Variants in CTNNA2 observed in about 807,000 individuals in gnomAD.
CTNNA2 encodes catenin alpha-2.
In CTNNA2, 42 loss-of-function variants were observed where a neutral mutation model predicts 101.0. The ratio of observed to expected loss-of-function variants is 0.42; its 90% confidence interval spans 0.32 to 0.54. CTNNA2 has a LOEUF of 0.54. Ranked by LOEUF, CTNNA2 falls within the 20% of genes least tolerant of loss-of-function variation. CTNNA2 has a pLI of 0.14. For missense variants in CTNNA2, 871 were observed against 1,223.1 expected, an observed-to-expected ratio of 0.71 and a Z score of 4.29; for synonymous variants, 450 against 456.4, an observed-to-expected ratio of 0.99 and a Z score of 0.18.
chr2:79,371,107 A>T (rs1402065039), intron 3 of CTNNA2, among the ~76,000 whole-genome samples: 1 of 150,066 alleles, frequency 6.7e-6, no homozygotes, highest in Non-Finnish European at 1.5e-5. Flanking sequence ...CTGGAAGCCG[A>T]ATAACTTCTA....
At chr2:80,558,016 A>G (rs759263412) in intron 12 of CTNNA2, among the ~76,000 whole-genome samples, 24 of 152,278 alleles carry the variant, frequency 1.6e-4, no homozygotes, top group Non-Finnish European at 2.4e-4. Flanking sequence ...CCCATATCCA[A>G]TTCCTAATTG....
intron 3 of CTNNA2, among the ~76,000 whole-genome samples, chr2:79,810,581 G>C (rs1159280149): frequency 6.6e-6 from 1 of 150,912 alleles, no homozygotes; most frequent in Admixed American, 6.6e-5. Context: ...CAATGTACAG[G>C]TTAGTTACAT....
chr2:79,352,390 C>T (rs1169032075), intron 3 of CTNNA2, among the ~76,000 whole-genome samples: 1 of 152,038 alleles, frequency 6.6e-6, no homozygotes, highest in Non-Finnish European at 1.5e-5. Context: ...TCAAAATAGT[C>T]TCTGAAGATC....
chr2:80,629,525 C>T (rs1295653074), intron 18 of CTNNA2, among the ~76,000 whole-genome samples: 1 of 152,038 alleles, frequency 6.6e-6, no homozygotes, highest in Non-Finnish European at 1.5e-5. Flanking sequence ...ATGGATCACA[C>T]TTTTAAAAAA....
intron 7 of CTNNA2, among the ~76,000 whole-genome samples, chr2:80,358,333 T>G: frequency 6.7e-6 from 1 of 148,790 alleles, no homozygotes; most frequent in African/African-American, 2.6e-5. Flanking sequence ...TCTACGTCAG[T>G]AGTATTCTAC....
intron 7 of CTNNA2, among the ~76,000 whole-genome samples, chr2:80,162,189 A>G (rs1160613533): frequency 6.6e-6 from 1 of 152,178 alleles, no homozygotes; most frequent in Non-Finnish European, 1.5e-5. Flanking sequence ...CCCCTCCTAA[A>G]GTGTCTAAAA....
chr2:80,255,744 A>T (rs1395775487), intron 7 of CTNNA2, among the ~76,000 whole-genome samples: 1 of 152,186 alleles, frequency 6.6e-6, no homozygotes, highest in African/African-American at 2.4e-5. Context: ...CCAGGAAAGG[A>T]TGAAAGGACA....
chr2:80,579,696 G>A (rs181000678), intron 13 of CTNNA2, among the ~76,000 whole-genome samples: 82 of 152,308 alleles, frequency 5.4e-4, no homozygotes, highest in African/African-American at 1.9e-3. Flanking sequence ...GATGGTGAGA[G>A]AGAAGGAAAA....
chr2:80,314,874 T>C (rs1421115970), intron 7 of CTNNA2, among the ~76,000 whole-genome samples: 1 of 152,232 alleles, frequency 6.6e-6, no homozygotes, highest in Non-Finnish European at 1.5e-5. Flanking sequence ...ATTTGCATTT[T>C]AGCAGAAGAA....
intron 2 of CTNNA2, among the ~76,000 whole-genome samples, chr2:79,292,736 A>C (rs1675857975): frequency 6.6e-6 from 1 of 152,212 alleles, no homozygotes; most frequent in Admixed American, 6.5e-5. Flanking sequence ...CAGAGCTAAC[A>C]AACTGAGCTG....
chr2:79,441,600 G>A (rs1678778882), intron 4 of CTNNA2, among the ~76,000 whole-genome samples: 3 of 152,078 alleles, frequency 2.0e-5, no homozygotes, highest in African/African-American at 2.4e-5. Flanking sequence ...TGGCCACCAC[G>A]ATCTCTTTTC....
intron 7 of CTNNA2, among the ~76,000 whole-genome samples, chr2:80,281,139 G>T (rs181448616): frequency 6.6e-6 from 1 of 152,228 alleles, no homozygotes; most frequent in East Asian, 1.9e-4. Context: ...GAGATCCCCA[G>T]GGTGACCAGA....
chr2:80,316,014 T>C (rs1247464599), intron 7 of CTNNA2, among the ~76,000 whole-genome samples: 1 of 152,102 alleles, frequency 6.6e-6, no homozygotes, highest in East Asian at 1.9e-4. Flanking sequence ...CCCGCTAAGG[T>C]TTTAGAAGCA....
chr2:79,417,242 A>G (rs1369823535), intron 4 of CTNNA2, among the ~76,000 whole-genome samples: 2 of 152,142 alleles, frequency 1.3e-5, no homozygotes, highest in African/African-American at 4.8e-5. Context: ...AAATTTCCAA[A>G]TAAGCTTAGG....
chr2:80,202,730 TAA>T (rs78658764), intron 7 of CTNNA2, among the ~76,000 whole-genome samples: 1 of 144,694 alleles, frequency 6.9e-6, no homozygotes. Flanking sequence ...CCAAGAGATT[TAA>T]AAAAAAAAAA....
intron 11 of CTNNA2, among the ~76,000 whole-genome samples, chr2:80,554,869 C>G (rs1371859342): frequency 6.6e-6 from 1 of 152,168 alleles, no homozygotes; most frequent in Non-Finnish European, 1.5e-5. Context: ...AATTACAGAT[C>G]TCACACTGGA....
intron 7 of CTNNA2, among the ~76,000 whole-genome samples, chr2:80,143,806 G>A (rs760102511): frequency 6.6e-6 from 1 of 152,136 alleles, no homozygotes; most frequent in African/African-American, 2.4e-5. Flanking sequence ...CCAAATACTT[G>A]AGTGGAAAAA....
Position 80,126,634 on chromosome 2 carries a change from C to CCCTTCCTTCCTT in CTNNA2, c.1056+216861_1056+216872dup, listed in dbSNP as rs1178536900. On this transcript the variant is annotated intron_variant, in intron 7 of 18. Coordinates refer to ENST00000402739, the MANE Select transcript of CTNNA2 (RefSeq NM_001282597.3). ...TCCCTCCCTCCCTCCCTCCCTCCCT[C>CCCTTCCTTCCTT]CCTTCCTTCCTTCCTTCCTTCCTTC... Among the ~76,000 whole-genome samples, 91 of 26,196 alleles carry CCCTTCCTTCCTT rather than the reference C, an allele frequency of 3.5e-3. 2 individuals are homozygous for CCCTTCCTTCCTT. Among genetic ancestry groups the CCCTTCCTTCCTT allele is most frequent in the South Asian group, 0.026 (10 of 384 alleles). 17.2% of individuals were successfully genotyped at this position (26,196 alleles called of 152,430 possible). A position where few individuals can be genotyped will look rare whatever the true frequency, so the allele number is the denominator to read the frequency against.
intron 4 of CTNNA2, among the ~76,000 whole-genome samples, chr2:79,452,265 T>C (rs1481882312): frequency 6.6e-6 from 1 of 152,044 alleles, no homozygotes; most frequent in Non-Finnish European, 1.5e-5. Context: ...GCCTAACGTG[T>C]ATCCAGCCAA....
Sources: gnomAD v4.1 joint callset for allele counts (sites outside exome capture counted in the v4.1 genomes callset) on GRCh38, gnomAD v4.1.1 for gene constraint, MANE v1.5 for transcripts, NCBI Gene and HGNC (gene_info 2026-07-23, HGNC 2026-07-21) for gene names.